Variants in CEP295 observed in about 807,000 individuals in gnomAD.
The protein encoded by CEP295 is centrosomal protein of 295 kDa.
A neutral mutation model predicts 291.6 loss-of-function variants in CEP295; 190 were observed. The ratio of observed to expected loss-of-function variants is 0.65; its 90% CI spans 0.58 to 0.73. The LOEUF is 0.73. Among genes scored for constraint, CEP295 ranks in the 30% least tolerant of loss-of-function variants. CEP295 has a pLI of 0.00. For missense variants in CEP295, 2,863 were observed against 2,949.4 expected (o/e 0.97, Z 0.68); for synonymous variants, 993 against 1,038.8 (o/e 0.96, Z 0.85).
In CEP295 at chr11:93,695,502, G is replaced by A. The variant is rs1190460495; in HGVS notation, c.1539G>A (p.Met513Ile). 2 of 1,448,068 alleles carry A rather than the reference G, an allele frequency of 1.4e-6. No individual in the cohort carries two copies. Among genetic ancestry groups the A allele is most frequent in the Non-Finnish European group, 1.8e-6 (2 of 1,108,336 alleles). The allele number at this position is 1,448,068 out of a possible 1,614,324, so 89.7% of individuals were successfully genotyped here. ...AATAGTATTTTGTTACCTAGATAAT[G>A]GAAATAGAAGAGCAGAAGCAAAAGC... Reference protein sequence around the residue: ...IRMSARQKQIMEIEEQKQKQL... With the variant: ...IRMSARQKQIIEIEEQKQKQL... Residue 513 changes from methionine (M) to isoleucine (I), a missense_variant, in exon 13 of 30, where the codon ATG becomes ATA. Met to Ile is a conservative substitution (Grantham distance 10). Coordinates refer to ENST00000325212, the MANE Select transcript of CEP295 (RefSeq NM_033395.2).
In CEP295 at chr11:93,699,285, CACTTGAAGA is replaced by C; in HGVS notation, c.4376_4384del (p.Leu1459_Glu1461del). The C allele has an allele frequency of 6.4e-7, 1 of 1,551,864 alleles. No homozygotes were observed. The highest frequency in any genetic ancestry group is 8.7e-7 in the Non-Finnish European group (1 of 1,146,920). On this transcript the variant is annotated inframe_deletion, in exon 15 of 30. Coordinates refer to ENST00000325212, the MANE Select transcript of CEP295 (RefSeq NM_033395.2). ...TTACCTCAACAAGATAATTTGATTG[CACTTGAAGA>C]ACACTTGCATGCACAGACAGATTTC...
chr11:93,702,790 A>G lies in CEP295; in HGVS notation c.5467A>G (p.Lys1823Glu). Reference sequence around the variant, plus strand: ...TGACTTAATAGGTGAGCATCTGGAGAAAGATCTGGGGAGAAGATCCTCAAA... The same window carrying G: ...TGACTTAATAGGTGAGCATCTGGAGGAAGATCTGGGGAGAAGATCCTCAAA... ...SAKQSGEHLE[K>E]DLGRRSSKPP... The change falls in exon 17 of 30, where the codon AAA (lysine) becomes GAA (glutamate). Residue 1823 changes from lysine to glutamate, a missense_variant. Physicochemically the swap from Lys to Glu is moderately conservative, Grantham distance 56. Around this residue, in one of 3 missense-constraint regions of CEP295, gnomAD observed 2,295 missense variants for 2,335.7 expected, o/e 0.98. Transcript: ENST00000325212. The G allele has an allele frequency of 1.3e-6, 2 of 1,551,884 alleles. No individual in the cohort carries two copies. Among genetic ancestry groups the G allele is most frequent in the Non-Finnish European group, 1.7e-6 (2 of 1,147,032 alleles).
At position 93,699,474 on chromosome 11, in the gene CEP295, C is replaced by A. The variant is rs1182693906; in HGVS notation, c.4562C>A (p.Ser1521Tyr). The A allele has an allele frequency of 4.5e-6, 7 of 1,551,708 alleles. No individual in the cohort carries two copies. Among genetic ancestry groups the A allele is most frequent in the Non-Finnish European group, 5.2e-6 (6 of 1,146,978 alleles). ...QLDTQKKAIRSIQEVQEELLL... is the reference protein window; with the variant it reads ...QLDTQKKAIRYIQEVQEELLL... ...GATACACAGAAGAAAGCCATTCGAT[C>A]TATACAGGAAGTCCAAGAAGAATTG... The change falls in exon 15 of 30, where the codon TCT (serine) becomes TAT (tyrosine). Residue 1521 changes from serine to tyrosine, a missense_variant. By Grantham distance (144) the Ser-to-Tyr change is moderately radical. Around this residue, in one of 3 missense-constraint regions of CEP295, gnomAD observed 2,295 missense variants for 2,335.7 expected, o/e 0.98. Coordinates refer to ENST00000325212, the MANE Select transcript of CEP295 (RefSeq NM_033395.2).
chr11:93,712,854 GTTTTGT>G (rs1237458539), intron 18 of CEP295, among the ~76,000 whole-genome samples: 5 of 68,434 alleles, frequency 7.3e-5, no homozygotes, highest in African/African-American at 2.4e-4. Flanking sequence ...TCTTTCTTCT[GTTTTGT>G]TGTTGTTGTT....
rs1951886528 is a variant in CEP295, at chr11:93,697,195, A to G, written c.2283A>G (p.Gln761=). 6.4e-7 allele frequency: 1 copy of G among 1,551,754 alleles called. No homozygotes were observed. Residue 761 remains glutamine (Q), a synonymous_variant, in exon 15 of 30, where the codon CAA becomes CAG. Transcript: ENST00000325212. The stretch of plus-strand genomic sequence containing the variant: ...AAACATTTGGGGCAACAACTTTTCA[A>G]AGTTTAGAATCCCAACAATTGTTCT... ...ISETFGATTF[Q]SLESQQLFSE...
intron 17 of CEP295, among the ~76,000 whole-genome samples, chr11:93,705,226 C>T (rs1952438740): frequency 6.6e-6 from 1 of 151,780 alleles, no homozygotes; most frequent in African/African-American, 2.4e-5. Flanking sequence ...GGTGTTTTTT[C>T]CCCCAGAGGG....
chr11:93,676,534 T>C (rs1045937817), intron 6 of CEP295, among the ~76,000 whole-genome samples: 2 of 152,024 alleles, frequency 1.3e-5, no homozygotes, highest in African/African-American at 2.4e-5. Flanking sequence ...ATAGCAGGTA[T>C]TAAAATATTC....
chr11:93,678,434 C>A (rs1215279574), intron 6 of CEP295, among the ~76,000 whole-genome samples: 1 of 152,128 alleles, frequency 6.6e-6, no homozygotes, highest in Non-Finnish European at 1.5e-5. Context: ...AATTTAATAA[C>A]TGTCAATCTC....
intron 22 of CEP295, among the ~76,000 whole-genome samples, chr11:93,725,217 A>G (rs1954054748): frequency 6.6e-6 from 1 of 151,968 alleles, no homozygotes; most frequent in South Asian, 2.1e-4. Context: ...ACTGCACTCC[A>G]GCCTGGACAA....
intron 25 of CEP295, 191 bp from the exon 26 acceptor site, chr11:93,729,243 T>C: frequency 1.7e-6 from 1 of 604,380 alleles, no homozygotes; most frequent in Non-Finnish European, 2.9e-6. Context: ...AAGACCAGCC[T>C]GGGCAACAAG....
At chr11:93,725,372 G>C (rs938223654) in intron 22 of CEP295, among the ~76,000 whole-genome samples, 3 of 152,162 alleles carry the variant, frequency 2.0e-5, no homozygotes, top group African/African-American at 7.2e-5. Flanking sequence ...TATTTAAACA[G>C]TAAAGTAAAT....
intron 18 of CEP295, among the ~76,000 whole-genome samples, chr11:93,708,139 G>C (rs937503074): frequency 1.3e-5 from 2 of 151,906 alleles, no homozygotes; most frequent in African/African-American, 4.8e-5. Context: ...ATGGTAAATG[G>C]GGTATCCATC....
chr11:93,674,443 G>A (rs1262094930), intron 5 of CEP295, among the ~76,000 whole-genome samples: 11 of 152,152 alleles, frequency 7.2e-5, no homozygotes, highest in Admixed American at 7.2e-4. Flanking sequence ...GTACATGCTT[G>A]TAGTCCTAGC....
chr11:93,706,740 C>G lies in CEP295; in HGVS notation c.5597-5C>G, dbSNP rs944541630. On this transcript the variant is annotated splice_region_variant and splice_polypyrimidine_tract_variant and intron_variant, in intron 17 of 29. Coordinates refer to ENST00000325212, the MANE Select transcript of CEP295 (RefSeq NM_033395.2). ...ATTGAAGTGGAAATATTTTTTCCCC[C>G]CCAGGTAAACCAGGTATTTATGAAG... 5.2e-5 allele frequency: 78 copies of G among 1,510,196 alleles called. No individual in the cohort carries two copies. The highest frequency in any genetic ancestry group is 1.7e-4 in the Middle Eastern group (1 of 5,802). The allele number at this position is 1,510,196 out of a possible 1,614,324, so 93.5% of individuals were successfully genotyped here.
At position 93,704,179 on chromosome 11, in the gene CEP295, T is replaced by G. The variant is rs544641444; in HGVS notation, c.5596+1260T>G. Among the ~76,000 whole-genome samples, 3 of 152,336 alleles carry G rather than the reference T, an allele frequency of 2.0e-5. No homozygotes were observed. The South Asian group carries it at 6.2e-4, about 32-fold the overall frequency. ...CAAATTTATCAAAATAAATTATTTT[T>G]TAAAGGGGAACATTAGCTTTGTCAA... On this transcript the variant is annotated intron_variant, in intron 17 of 29. Transcript: ENST00000325212.
In CEP295 at chr11:93,698,208, C is replaced by A; in HGVS notation, c.3296C>A (p.Ser1099Tyr). 1 of 1,551,852 alleles carries A rather than the reference C, an allele frequency of 6.4e-7. No homozygotes were observed. Among genetic ancestry groups the A allele is most frequent in the Non-Finnish European group, 8.7e-7 (1 of 1,146,978 alleles). The change falls in exon 15 of 30, where the codon TCT (serine) becomes TAT (tyrosine). Residue 1099 changes from serine to tyrosine, a missense_variant. Around this residue, in one of 3 missense-constraint regions of CEP295, gnomAD observed 2,295 missense variants for 2,335.7 expected, o/e 0.98. Transcript: ENST00000325212. ...GACAGTAAGTCTGGGCTGGTGAGCT[C>A]TTCATCCTCACCAGTGGTTGTTCAG... ...LGDSKSGLVS[S>Y]SSSPVVVQHS...
At chr11:93,724,910 T>C (rs975218123) in intron 22 of CEP295, among the ~76,000 whole-genome samples, 3 of 152,214 alleles carry the variant, frequency 2.0e-5, no homozygotes, top group Admixed American at 6.5e-5. Flanking sequence ...TAATTATTAT[T>C]ATTATTTTTT....
At position 93,698,880 on chromosome 11, in the gene CEP295, T is replaced by C; in HGVS notation, c.3968T>C (p.Ile1323Thr). 6.4e-7 allele frequency: 1 copy of C among 1,551,648 alleles called. No homozygotes were observed. Among genetic ancestry groups the C allele is most frequent in the South Asian group, 1.2e-5 (1 of 84,058 alleles). ...CTTTTTACAGAGAGTGAAAGTAAAA[T>C]TTTTTCAAGCCACCTTCAGATCCCA... ...EPLFTESESK[I>T]FSSHLQIPQL... The change falls in exon 15 of 30, where the codon ATT (isoleucine) becomes ACT (threonine). Residue 1323 changes from isoleucine (I) to threonine (T), a missense_variant. By Grantham distance (89) the Ile-to-Thr change is moderately conservative. Around this residue, in one of 3 missense-constraint regions of CEP295, gnomAD observed 2,295 missense variants for 2,335.7 expected, o/e 0.98. Transcript: ENST00000325212.
rs776856261 is a variant in CEP295 at position 93,698,212 on chromosome 11, A to T, written c.3300A>T (p.Ser1100=). 6 of 1,551,890 alleles carry T rather than the reference A, an allele frequency of 3.9e-6. No homozygotes were observed. Residue 1100 remains serine (S), a synonymous_variant, in exon 15 of 30, where the codon TCA becomes TCT. Transcript: ENST00000325212. ...GTAAGTCTGGGCTGGTGAGCTCTTC[A>T]TCCTCACCAGTGGTTGTTCAGCATT... ...GDSKSGLVSS[S]SSPVVVQHSV...
Sources: gnomAD v4.1 joint callset for allele counts (sites outside exome capture counted in the v4.1 genomes callset) on GRCh38, gnomAD v4.1.1 for gene constraint, gnomAD v4.1.1 regional missense constraint, MANE v1.5 for transcripts, NCBI Gene and HGNC (gene_info 2026-07-23, HGNC 2026-07-21) for gene names.